Variants in RALGAPB observed in about 807,000 individuals in gnomAD.
RALGAPB encodes the protein Ral GTPase activating protein non-catalytic subunit beta.
A neutral mutation model predicts 161.1 loss-of-function variants in RALGAPB; 25 were observed. The ratio of observed to expected loss-of-function variants is 0.16; its 90% CI spans 0.11 to 0.22. The LOEUF is 0.22. Ranked by LOEUF, RALGAPB falls within the 10% of genes least tolerant of loss-of-function variation. The pLI is 1.00. For missense variants in RALGAPB, 1,391 were observed against 1,815.2 expected (o/e 0.77, Z 4.25); for synonymous variants, 629 against 626.1 (o/e 1.00, Z -0.07).
At chr20:38,507,915 C>T (rs1424926892) in intron 5 of RALGAPB, among the ~76,000 whole-genome samples, 1 of 151,898 alleles carries the variant, frequency 6.6e-6, no homozygotes, top group African/African-American at 2.4e-5. Flanking sequence ...AGAATATTAT[C>T]TCTAGGTAGA....
At chr20:38,480,188 T>TA (rs1215447073) in intron 1 of RALGAPB, among the ~76,000 whole-genome samples, 2 of 151,814 alleles carry the variant, frequency 1.3e-5, no homozygotes, top group Non-Finnish European at 2.9e-5. Flanking sequence ...CCTCCAGTTT[T>TA]ACTGAATTAA....
rs757717946 is a variant in RALGAPB, at chr20:38,574,798, T to C, written c.4316T>C (p.Ile1439Thr). 6.2e-7 allele frequency: 1 copy of C among 1,614,032 alleles called. No homozygotes were observed. The highest frequency in any genetic ancestry group is 1.1e-5 in the South Asian group (1 of 91,080). The change falls in exon 30 of 30, where the codon ATT (isoleucine) becomes ACT (threonine). Residue 1439 changes from isoleucine to threonine, a missense_variant. This residue lies in a region of RALGAPB where 436 missense variants were observed against 527.0 expected (regional missense o/e 0.83). Transcript: ENST00000262879. ...ALGFLVRQTV[I>T]NICRRKRLES... is the part of the protein sequence containing the mutation. ...GGCTTTCTGGTGAGGCAGACTGTAA[T>C]TAACATTTGTAGAAGAAAGAGACTG...
chr20:38,565,473 C>T lies in RALGAPB; in HGVS notation c.3812C>T (p.Ser1271Phe). ...IAFVVPSPVE[S>F]LTDSLESNIS... ...TTTGTGGTTCCTTCTCCTGTGGAGT[C>T]CTTAAGTAAGATGATTTTTGCATGG... The change falls in exon 25 of 30, where the codon TCC becomes TTC. Residue 1271 changes from serine (S) to phenylalanine (F), a missense_variant. Around this residue, in one of 3 missense-constraint regions of RALGAPB, gnomAD observed 436 missense variants for 527.0 expected, o/e 0.83. Coordinates refer to ENST00000262879, the MANE Select transcript of RALGAPB (RefSeq NM_020336.4). The T allele has an allele frequency of 6.2e-7, 1 of 1,612,956 alleles. No homozygotes were observed. Among genetic ancestry groups the T allele is most frequent in the Non-Finnish European group, 8.5e-7 (1 of 1,179,358 alleles).
intron 16 of RALGAPB, among the ~76,000 whole-genome samples, chr20:38,536,136 T>C (rs1318544334): frequency 1.3e-5 from 2 of 152,338 alleles, no homozygotes; most frequent in South Asian, 2.1e-4. Context: ...GCAGTTTTGC[T>C]TCAGTCTCCG....
At position 38,577,282 on chromosome 20, in the gene RALGAPB, CT is replaced by C. The variant is rs2088472317; in HGVS notation, c.*2318del. On this transcript the variant is annotated 3_prime_UTR_variant, in exon 30 of 30. Transcript: ENST00000262879. ...ATGGTCACTATTTTTACCCACCTGC[CT>C]TTGTTAAAAATCACTTTGAGTAGAA... is the stretch of plus-strand genomic sequence containing the variant. 1 of 152,168 alleles carries C rather than the reference CT, an allele frequency of 6.6e-6. No homozygotes were observed. Among genetic ancestry groups the C allele is most frequent in the African/African-American group, 2.4e-5 (1 of 41,418 alleles). The allele number at this position is 152,168 out of a possible 1,614,324, so 9.4% of individuals were successfully genotyped here. A position where few individuals can be genotyped will look rare whatever the true frequency, so the allele number is the denominator to read the frequency against.
chr20:38,511,512 A>C (rs2085951784), intron 6 of RALGAPB, among the ~76,000 whole-genome samples: 1 of 151,714 alleles, frequency 6.6e-6, no homozygotes, highest in African/African-American at 2.4e-5. Flanking sequence ...TGGGTACTTG[A>C]GATTAGGGAG....
intron 18 of RALGAPB, among the ~76,000 whole-genome samples, chr20:38,545,626 C>G (rs1450213380): frequency 6.6e-6 from 1 of 152,140 alleles, no homozygotes; most frequent in Non-Finnish European, 1.5e-5. Context: ...CAACATTGCT[C>G]AACAGATTAT....
At chr20:38,552,155 T>TC (rs1491459259) in intron 21 of RALGAPB, among the ~76,000 whole-genome samples, 4 of 151,268 alleles carry the variant, frequency 2.6e-5, no homozygotes, top group Non-Finnish European at 4.4e-5. Flanking sequence ...TTTTTTTTTT[T>TC]CTGAGATGGA....
intron 22 of RALGAPB, among the ~76,000 whole-genome samples, chr20:38,555,917 G>C (rs1269555229): frequency 6.6e-6 from 1 of 152,154 alleles, no homozygotes; most frequent in African/African-American, 2.4e-5. Flanking sequence ...TTAATAGCAT[G>C]TTAAGTGAAT....
chr20:38,487,755 A>T (rs570309356), intron 1 of RALGAPB, among the ~76,000 whole-genome samples: 3 of 152,300 alleles, frequency 2.0e-5, no homozygotes, highest in Admixed American at 2.0e-4. Flanking sequence ...AAATTTTTGG[A>T]CTAAGACCTA....
At chr20:38,493,392 T>C (rs1328990913) in intron 3 of RALGAPB, among the ~76,000 whole-genome samples, 1 of 152,222 alleles carries the variant, frequency 6.6e-6, no homozygotes, top group Non-Finnish European at 1.5e-5. Flanking sequence ...TAAAATACTG[T>C]AACATCTTTC....
intron 13 of RALGAPB, among the ~76,000 whole-genome samples, chr20:38,526,991 G>C (rs978692100): frequency 3.9e-5 from 6 of 152,164 alleles, no homozygotes; most frequent in Non-Finnish European, 8.8e-5. Context: ...TCTTAGGAAA[G>C]TAGGGCTTTC....
At chr20:38,492,326 A>G (rs1437632876) in intron 2 of RALGAPB, among the ~76,000 whole-genome samples, 1 of 152,196 alleles carries the variant, frequency 6.6e-6, no homozygotes, top group Non-Finnish European at 1.5e-5. Flanking sequence ...CTAGGTCAGG[A>G]GGCTGGGACT....
chr20:38,529,379 G>T (rs551300070), intron 13 of RALGAPB, among the ~76,000 whole-genome samples: 128 of 152,066 alleles, frequency 8.4e-4, no homozygotes, highest in African/African-American at 3.0e-3. Context: ...TTAGCAGGGT[G>T]TGATGGCACA....
intron 6 of RALGAPB, among the ~76,000 whole-genome samples, chr20:38,513,542 C>G (rs1231968220): frequency 6.6e-6 from 1 of 151,250 alleles, no homozygotes; most frequent in Non-Finnish European, 1.5e-5. Context: ...CCTAGCTACT[C>G]AGGAGGCTGA....
intron 21 of RALGAPB, among the ~76,000 whole-genome samples, chr20:38,552,960 G>A (rs991929356): frequency 2.0e-5 from 3 of 152,154 alleles, no homozygotes; most frequent in African/African-American, 7.2e-5. Context: ...GTATTTAGCT[G>A]TTAGATGTGG....
intron 1 of RALGAPB, among the ~76,000 whole-genome samples, chr20:38,475,735 C>T (rs966342981): frequency 1.3e-5 from 2 of 151,888 alleles, no homozygotes; most frequent in African/African-American, 4.8e-5. Flanking sequence ...CTGCCTCAGC[C>T]TCCTGAGTAG....
At chr20:38,566,430 G>C (rs1033991878) in intron 25 of RALGAPB, among the ~76,000 whole-genome samples, 7 of 152,194 alleles carry the variant, frequency 4.6e-5, no homozygotes, top group African/African-American at 1.7e-4. Context: ...GTTAGTACCA[G>C]ACAAGTCCTC....
At chr20:38,483,285 A>G (rs1156767977) in intron 1 of RALGAPB, among the ~76,000 whole-genome samples, 1 of 152,244 alleles carries the variant, frequency 6.6e-6, no homozygotes, top group Non-Finnish European at 1.5e-5. Context: ...TAGAGCTGGG[A>G]TTTGAATCTA....
Sources: allele counts gnomAD v4.1 joint callset (sites outside exome capture counted in the v4.1 genomes callset), GRCh38; gene constraint gnomAD v4.1.1; regional missense constraint gnomAD v4.1.1; transcripts MANE v1.5; gene names NCBI Gene and HGNC (gene_info 2026-07-23, HGNC 2026-07-21).